SYN3: variants seen among roughly 807,000 people sequenced by gnomAD.
SYN3 encodes synapsin-3.
Under a neutral mutation model 65.8 loss-of-function variants are expected in SYN3, and 35 were observed. The observed-to-expected ratio is 0.53, with a 90% confidence interval of 0.41 to 0.70. The LOEUF (loss-of-function observed/expected upper bound fraction) is 0.70, where lower values mean the gene tolerates loss of function less well. SYN3 is among the 30% of genes least tolerant of loss of function. The pLI, the probability that SYN3 is intolerant of heterozygous loss-of-function variation, is 0.00. For missense variants in SYN3, 680 were observed against 749.0 expected (o/e 0.91, Z 1.08); for synonymous variants, 270 against 292.9 (o/e 0.92, Z 0.80).
intron 4 of SYN3, among the ~76,000 whole-genome samples, chr22:32,911,653 A>G (rs994011104): frequency 2.0e-5 from 3 of 152,124 alleles, no homozygotes; most frequent in African/African-American, 7.2e-5. Context: ...GGTGGTAATA[A>G]AAGATGGCTG....
At chr22:32,547,620 T>C (rs1232445012) in intron 7 of SYN3, among the ~76,000 whole-genome samples, 9 of 152,188 alleles carry the variant, frequency 5.9e-5, no homozygotes, top group Non-Finnish European at 8.8e-5. Context: ...TGTGCATGCA[T>C]GCATGTGTGC....
chr22:32,615,451 AG>A (rs1219317419), intron 6 of SYN3, among the ~76,000 whole-genome samples: 3 of 101,804 alleles, frequency 2.9e-5, no homozygotes, highest in African/African-American at 1.3e-4. Context: ...AAAAAAAAAA[AG>A]AAAAAAAGAA....
chr22:32,584,354 G>A (rs1450346880), intron 7 of SYN3: 2 of 152,176 alleles, frequency 1.3e-5, no homozygotes, highest in Non-Finnish European at 2.9e-5. Context: ...TGATGCCGGG[G>A]AGCAGCAAGG....
chr22:32,980,641 C>A lies in SYN3; in HGVS notation c.369+4G>T, dbSNP rs1379499824. On this transcript the variant is annotated splice_donor_region_variant and intron_variant, in intron 3 of 13. Coordinates refer to ENST00000358763, the MANE Select transcript of SYN3 (RefSeq NM_003490.4). Reference sequence around the variant, plus strand: ...ACAGTGCTAAAGACACAGCTCCCACCTACCTGCTCCACTCGGATCTCAATC... The same window carrying A: ...ACAGTGCTAAAGACACAGCTCCCACATACCTGCTCCACTCGGATCTCAATC... 1.9e-6 allele frequency: 3 copies of A among 1,614,008 alleles called. No individual in the cohort carries two copies. Among genetic ancestry groups the A allele is most frequent in the Admixed American group, 3.3e-5 (2 of 60,024 alleles).
intron 6 of SYN3, among the ~76,000 whole-genome samples, chr22:32,675,130 A>G (rs2060422190): frequency 6.6e-6 from 1 of 152,142 alleles, no homozygotes; most frequent in Non-Finnish European, 1.5e-5. Context: ...TAGAGAGAAA[A>G]CTCTGCAATG....
At chr22:33,026,397 C>G (rs80084978) in intron 1 of SYN3, among the ~76,000 whole-genome samples, 1,917 of 152,262 alleles carry the variant, frequency 0.013, 46 homozygotes, top group African/African-American at 0.044. Flanking sequence ...AAACCAGCCA[C>G]CAGGACTAAG....
At chr22:32,981,542 G>A (rs921514002) in intron 2 of SYN3, among the ~76,000 whole-genome samples, 4 of 151,834 alleles carry the variant, frequency 2.6e-5, no homozygotes, top group Non-Finnish European at 4.4e-5. Context: ...CCAAGATCAC[G>A]CCACTGCACT....
At chr22:32,663,792 C>T (rs756116091) in intron 6 of SYN3, among the ~76,000 whole-genome samples, 1 of 151,844 alleles carries the variant, frequency 6.6e-6, no homozygotes, top group Non-Finnish European at 1.5e-5. Flanking sequence ...TGGTAAAATC[C>T]ACGTGAATAA....
intron 2 of SYN3, among the ~76,000 whole-genome samples, chr22:33,005,156 C>T: frequency 6.6e-6 from 1 of 152,188 alleles, no homozygotes; most frequent in Non-Finnish European, 1.5e-5. Flanking sequence ...AAACCTCTCT[C>T]CTTTATAAAT....
chr22:32,729,439 C>T (rs1463551016), intron 6 of SYN3, among the ~76,000 whole-genome samples: 1 of 152,190 alleles, frequency 6.6e-6, no homozygotes, highest in East Asian at 1.9e-4. Context: ...TACAGCTGGT[C>T]ACCTGCTTTG....
At chr22:32,541,538 C>CA (rs780407268) in intron 8 of SYN3, 33 bp downstream of exon 8, 1 of 1,612,696 alleles carries the variant, frequency 6.2e-7, no homozygotes, top group East Asian at 2.2e-5. Context: ...GCCTTCCTCC[C>CA]ACACTCCCCC....
chr22:32,673,556 T>C (rs2060401235), intron 6 of SYN3, among the ~76,000 whole-genome samples: 1 of 152,174 alleles, frequency 6.6e-6, no homozygotes, highest in South Asian at 2.1e-4. Context: ...AGTGCCATGA[T>C]AGTGGAAGGT....
At chr22:32,784,383 G>A (rs2046141594) in intron 6 of SYN3, among the ~76,000 whole-genome samples, 1 of 152,210 alleles carries the variant, frequency 6.6e-6, no homozygotes, top group Non-Finnish European at 1.5e-5. Context: ...TTGCCGCATG[G>A]TGAGCTGCCT....
At chr22:32,936,094 C>G (rs988187573) in intron 3 of SYN3, among the ~76,000 whole-genome samples, 1 of 152,148 alleles carries the variant, frequency 6.6e-6, no homozygotes, top group Non-Finnish European at 1.5e-5. Flanking sequence ...AAGAACAACT[C>G]CTTCAAGTAT....
intron 6 of SYN3, among the ~76,000 whole-genome samples, chr22:32,673,080 A>G (rs1273856453): frequency 6.6e-6 from 1 of 152,228 alleles, no homozygotes; most frequent in African/African-American, 2.4e-5. Context: ...CTGGGTGTTG[A>G]GAAAAACACA....
At chr22:32,686,795 C>T (rs2060595913) in intron 6 of SYN3, among the ~76,000 whole-genome samples, 1 of 151,978 alleles carries the variant, frequency 6.6e-6, no homozygotes, top group African/African-American at 2.4e-5. Flanking sequence ...TGGTGTTTCA[C>T]CATTGGCCAG....
chr22:32,742,847 C>T (rs1002149020), intron 6 of SYN3, among the ~76,000 whole-genome samples: 4 of 152,218 alleles, frequency 2.6e-5, no homozygotes, highest in Non-Finnish European at 5.9e-5. Context: ...AATAGCAACA[C>T]TAGCAACAAA....
chr22:32,696,727 C>A (rs2060741659), intron 6 of SYN3, among the ~76,000 whole-genome samples: 1 of 152,154 alleles, frequency 6.6e-6, no homozygotes, highest in Non-Finnish European at 1.5e-5. Flanking sequence ...GCTCTTCCCA[C>A]CTTCCTTATT....
chr22:32,540,546 G>C (rs2058237936), intron 8 of SYN3, among the ~76,000 whole-genome samples: 1 of 152,198 alleles, frequency 6.6e-6, no homozygotes, highest in African/African-American at 2.4e-5. Flanking sequence ...AAGATAGAGA[G>C]GGCTTGGAGC....
Sources: gnomAD v4.1 joint callset for allele counts (sites outside exome capture counted in the v4.1 genomes callset) on GRCh38, gnomAD v4.1.1 for gene constraint, MANE v1.5 for transcripts, NCBI Gene and HGNC (gene_info 2026-07-23, HGNC 2026-07-21) for gene names.